Variants in RBFOX1 observed in about 807,000 individuals in gnomAD.
RBFOX1 encodes RNA binding protein fox-1 homolog 1.
RBFOX1 carries 8 observed loss-of-function variants against 57.7 expected under a neutral mutation model. The observed-to-expected ratio is 0.14, with a 90% confidence interval of 0.08 to 0.25. RBFOX1 has a LOEUF of 0.25. Ranked by LOEUF, RBFOX1 falls within the 10% of genes least tolerant of loss-of-function variation. The probability of loss-of-function intolerance (pLI) is 1.00; values close to 1 mark genes in which losing one functional copy is unlikely to be tolerated. For missense variants in RBFOX1, 611 were observed against 548.5 expected (o/e 1.11, Z -1.14); for synonymous variants, 326 against 222.4 (o/e 1.47, Z -4.15).
chr16:7,241,808 C>T (rs1019675514), intron 4 of RBFOX1, among the ~76,000 whole-genome samples: 2 of 150,874 alleles, frequency 1.3e-5, no homozygotes, highest in Non-Finnish European at 1.5e-5. Context: ...TGTAGATACT[C>T]ACATATACAT....
chr16:7,031,903 G>C (rs765944907), intron 3 of RBFOX1, among the ~76,000 whole-genome samples: 7 of 152,252 alleles, frequency 4.6e-5, no homozygotes, highest in African/African-American at 1.7e-4. Context: ...TCCCTGATCA[G>C]TATAATTACG....
intron 2 of RBFOX1, among the ~76,000 whole-genome samples, chr16:5,479,250 G>T (rs1332798756): frequency 6.6e-6 from 1 of 152,076 alleles, no homozygotes; most frequent in African/African-American, 2.4e-5. Context: ...TTGGCACCAA[G>T]CCTTGTTGCC....
At chr16:6,241,334 G>A (rs1335224477) in intron 1 of RBFOX1, among the ~76,000 whole-genome samples, 1 of 152,156 alleles carries the variant, frequency 6.6e-6, no homozygotes. Flanking sequence ...GGTGGCAGAC[G>A]TTTAAAATGT....
chr16:7,451,071 G>A (rs1297806187), intron 4 of RBFOX1, among the ~76,000 whole-genome samples: 1 of 152,142 alleles, frequency 6.6e-6, no homozygotes, highest in Non-Finnish European at 1.5e-5. Context: ...TGACAAGGAG[G>A]AGACTGGCAT....
chr16:5,961,424 T>G (rs1328708206), intron 4 of RBFOX1, among the ~76,000 whole-genome samples: 1 of 152,164 alleles, frequency 6.6e-6, no homozygotes, highest in East Asian at 1.9e-4. Context: ...TCTTAACCCT[T>G]ACTTCACACT....
chr16:6,463,726 A>G (rs1005555339), intron 2 of RBFOX1, among the ~76,000 whole-genome samples: 3 of 152,228 alleles, frequency 2.0e-5, no homozygotes, highest in Non-Finnish European at 4.4e-5. Context: ...GCCATTATAC[A>G]GCAGAAAGAT....
At chr16:6,902,181 C>A (rs926434800) in intron 3 of RBFOX1, among the ~76,000 whole-genome samples, 1 of 152,102 alleles carries the variant, frequency 6.6e-6, no homozygotes, top group East Asian at 1.9e-4. Context: ...ATTGTTCTAC[C>A]TCATGTGGTT....
intron 4 of RBFOX1, among the ~76,000 whole-genome samples, chr16:7,405,146 C>G (rs1345260693): frequency 6.6e-6 from 1 of 152,210 alleles, no homozygotes; most frequent in Non-Finnish European, 1.5e-5. Context: ...TCCAGTGAGG[C>G]TGCAGTTGCA....
At chr16:6,846,588 AT>A (rs2093767069) in intron 3 of RBFOX1, among the ~76,000 whole-genome samples, 1 of 152,218 alleles carries the variant, frequency 6.6e-6, no homozygotes, top group African/African-American at 2.4e-5. Context: ...GGAGCTACAA[AT>A]GTGGAAACGC....
At chr16:5,691,780 A>G (rs2050687884) in intron 3 of RBFOX1, among the ~76,000 whole-genome samples, 1 of 151,424 alleles carries the variant, frequency 6.6e-6, no homozygotes, top group East Asian at 1.9e-4. Flanking sequence ...CTTTTTTTTT[A>G]TTTTACAAAA....
At chr16:6,248,290 G>C (rs1046456562) in intron 1 of RBFOX1, among the ~76,000 whole-genome samples, 3 of 152,188 alleles carry the variant, frequency 2.0e-5, no homozygotes, top group Non-Finnish European at 4.4e-5. Flanking sequence ...GGAAAAAAGA[G>C]AGGTGGCCTT....
intron 3 of RBFOX1, among the ~76,000 whole-genome samples, chr16:6,755,500 C>G (rs1196296995): frequency 6.6e-6 from 1 of 152,074 alleles, no homozygotes; most frequent in Admixed American, 6.6e-5. Context: ...ATAAATGTCT[C>G]CTGTTTTAAT....
At chr16:5,881,183 C>T (rs1315209443) in intron 4 of RBFOX1, among the ~76,000 whole-genome samples, 2 of 152,176 alleles carry the variant, frequency 1.3e-5, no homozygotes, top group East Asian at 1.9e-4. Context: ...GTGAAGAATC[C>T]TCTCCATCTT....
chr16:6,007,727 C>T (rs2094935763), intron 4 of RBFOX1, among the ~76,000 whole-genome samples: 1 of 152,078 alleles, frequency 6.6e-6, no homozygotes, highest in African/African-American at 2.4e-5. Context: ...AAACAGCAGC[C>T]CCAGAAGCCT....
At chr16:7,369,494 T>G (rs2097529664) in intron 4 of RBFOX1, among the ~76,000 whole-genome samples, 1 of 152,156 alleles carries the variant, frequency 6.6e-6, no homozygotes, top group Non-Finnish European at 1.5e-5. Context: ...TTTTAATAAC[T>G]CCCTGCATTT....
intron 3 of RBFOX1, among the ~76,000 whole-genome samples, chr16:6,727,345 A>T (rs1257267170): frequency 6.6e-6 from 1 of 152,184 alleles, no homozygotes; most frequent in African/African-American, 2.4e-5. Context: ...CCAACCTAAT[A>T]GAAACTATCT....
intron 5 of RBFOX1, among the ~76,000 whole-genome samples, chr16:7,519,100 C>T (rs969114138): frequency 1.3e-5 from 2 of 152,144 alleles, no homozygotes; most frequent in African/African-American, 4.8e-5. Context: ...GTGTACAGTT[C>T]ACTGATTTTT....
At chr16:7,369,100 G>A (rs1023263334) in intron 4 of RBFOX1, among the ~76,000 whole-genome samples, 1 of 152,130 alleles carries the variant, frequency 6.6e-6, no homozygotes, top group African/African-American at 2.4e-5. Context: ...AAAGAAGGAA[G>A]AAGGAGGTTT....
intron 3 of RBFOX1, among the ~76,000 whole-genome samples, chr16:5,726,634 C>A (rs2052162299): frequency 6.6e-6 from 1 of 152,198 alleles, no homozygotes; most frequent in South Asian, 2.1e-4. Context: ...TGCTCTTGAC[C>A]TGTACACTAA....
Sources: gnomAD v4.1 joint callset for allele counts (sites outside exome capture counted in the v4.1 genomes callset) on GRCh38, gnomAD v4.1.1 for gene constraint, MANE v1.5 for transcripts, NCBI Gene and HGNC (gene_info 2026-07-23, HGNC 2026-07-21) for gene names.